The following PHF24 variants were observed in gnomAD, a reference collection of about 807,000 sequenced individuals.
The protein encoded by PHF24 is PHD finger protein 24, also known as Galpha inhibitory interacting protein.
Under a neutral mutation model 42.6 loss-of-function variants are expected in PHF24, and 25 were observed. That is an observed-to-expected ratio of 0.59 (90% CI 0.43 to 0.82). The LOEUF is 0.82. Ranked by LOEUF, PHF24 falls within the 40% of genes least tolerant of loss-of-function variation. PHF24 has a pLI of 0.00. For missense variants in PHF24, 470 were observed against 538.1 expected, an observed-to-expected ratio of 0.87 and a Z score of 1.25; for synonymous variants, 185 against 204.8, an observed-to-expected ratio of 0.90 and a Z score of 0.83.
chr9:34,815,583 A>G, the PHF24 span, among the ~76,000 whole-genome samples: 2 of 152,136 alleles, frequency 1.3e-5, no homozygotes, highest in Non-Finnish European at 2.9e-5. Flanking sequence ...TGGCGTCCCC[A>G]AGTGCTGGGA....
chr9:34,679,236 T>C, the PHF24 span, among the ~76,000 whole-genome samples: 1 of 152,252 alleles, frequency 6.6e-6, no homozygotes, highest in African/African-American at 2.4e-5. Flanking sequence ...TTGAGGTGTC[T>C]GTGGCCAATT....
At chr9:34,930,348 A>G in the PHF24 span, among the ~76,000 whole-genome samples, 4 of 152,196 alleles carry the variant, frequency 2.6e-5, no homozygotes, top group Non-Finnish European at 4.4e-5. Flanking sequence ...ATCTCCTGAA[A>G]TGGTTTACCA....
chr9:34,912,060 T>A, the PHF24 span, among the ~76,000 whole-genome samples: 4 of 152,120 alleles, frequency 2.6e-5, no homozygotes, highest in African/African-American at 9.7e-5. Flanking sequence ...GTAGAGAGAA[T>A]CCTTGGTTTT....
the PHF24 span, among the ~76,000 whole-genome samples, chr9:34,881,044 G>C: frequency 2.6e-5 from 4 of 152,294 alleles, no homozygotes; most frequent in South Asian, 8.3e-4. Context: ...TAGAACTTAG[G>C]ATTAAGAAAC....
chr9:34,692,059 G>A, the PHF24 span, among the ~76,000 whole-genome samples: 41 of 152,074 alleles, frequency 2.7e-4, no homozygotes, highest in Non-Finnish European at 3.7e-4. Flanking sequence ...GGAATCGGCC[G>A]ATGGGGGAGG....
intron 1 of PHF24, among the ~76,000 whole-genome samples, chr9:34,968,002 T>G (rs182188747): frequency 2.6e-5 from 4 of 152,296 alleles, no homozygotes; most frequent in Admixed American, 2.0e-4. Context: ...TTGCCAACCC[T>G]AGGATTTGTT....
At chr9:34,690,673 C>G in the PHF24 span, among the ~76,000 whole-genome samples, 1 of 152,102 alleles carries the variant, frequency 6.6e-6, no homozygotes, top group Non-Finnish European at 1.5e-5. Flanking sequence ...AGAGTTAATG[C>G]AGGTCACAGT....
At chr9:34,710,929 T>C in the PHF24 span, among the ~76,000 whole-genome samples, 1 of 152,202 alleles carries the variant, frequency 6.6e-6, no homozygotes, top group East Asian at 1.9e-4. Context: ...GTCTGTAGCA[T>C]AACCATTTTG....
the PHF24 span, among the ~76,000 whole-genome samples, chr9:34,897,736 T>C: frequency 6.6e-6 from 1 of 152,336 alleles, no homozygotes; most frequent in Non-Finnish European, 1.5e-5. Context: ...ATGAGTAAGT[T>C]CTTTAGTGGT....
At chr9:34,796,352 C>A in the PHF24 span, among the ~76,000 whole-genome samples, 2 of 151,072 alleles carry the variant, frequency 1.3e-5, no homozygotes, top group Non-Finnish European at 3.0e-5. Flanking sequence ...AAAGAATGGT[C>A]CCTAAGAAAA....
At chr9:34,931,269 G>A in the PHF24 span, among the ~76,000 whole-genome samples, 4 of 151,320 alleles carry the variant, frequency 2.6e-5, no homozygotes, top group African/African-American at 9.7e-5. Flanking sequence ...CCAGCTACTC[G>A]GGAGGCTGAG....
chr9:34,680,799 C>T, the PHF24 span: 1 of 149,826 alleles, frequency 6.7e-6, no homozygotes, highest in African/African-American at 2.4e-5. Context: ...GAACTACTGA[C>T]TGTAACTTTT....
chr9:34,744,068 A>C, the PHF24 span, among the ~76,000 whole-genome samples: 1 of 152,206 alleles, frequency 6.6e-6, no homozygotes, highest in Non-Finnish European at 1.5e-5. Flanking sequence ...ACCTTTTATT[A>C]GGCCTCATCT....
chr9:34,915,407 CT>C, the PHF24 span, among the ~76,000 whole-genome samples: 192 of 144,804 alleles, frequency 1.3e-3, no homozygotes, highest in South Asian at 2.0e-3. Context: ...GCAGGTTGGC[CT>C]TTTTTTTTTT....
the PHF24 span, chr9:34,832,701 T>C: frequency 6.5e-7 from 1 of 1,545,006 alleles, no homozygotes; most frequent in South Asian, 1.2e-5. Context: ...GGGCTTCTTT[T>C]GAGTATGGGC....
At chr9:34,690,395 G>A in the PHF24 span, 2 of 1,587,524 alleles carry the variant, frequency 1.3e-6, no homozygotes, top group East Asian at 2.3e-5. Context: ...GGGTGGCATG[G>A]CCATGGCCCT....
the PHF24 span, among the ~76,000 whole-genome samples, chr9:34,785,356 C>T: frequency 2.0e-5 from 3 of 152,284 alleles, no homozygotes; most frequent in East Asian, 1.9e-4. Context: ...CCAAAGGGTC[C>T]GAAACTCTTA....
the PHF24 span, chr9:34,723,941 C>T: frequency 1.3e-6 from 2 of 1,551,432 alleles, no homozygotes; most frequent in Non-Finnish European, 1.7e-6. Flanking sequence ...AAAGCTACGG[C>T]TCCATCGCCA....
the PHF24 span, chr9:34,893,039 T>C: frequency 1.1e-6 from 1 of 946,416 alleles, no homozygotes; most frequent in Non-Finnish European, 1.6e-6. Flanking sequence ...GATCTGGTTG[T>C]TCTCACCTGC....
Sources: allele counts gnomAD v4.1 joint callset (sites outside exome capture counted in the v4.1 genomes callset), GRCh38; gene constraint gnomAD v4.1.1; transcripts MANE v1.5; gene names NCBI Gene and HGNC (gene_info 2026-07-23, HGNC 2026-07-21).